Variants in PCCA observed in about 807,000 individuals in gnomAD.
PCCA encodes propionyl-CoA carboxylase alpha chain, mitochondrial.
In PCCA, 74 loss-of-function variants were observed where a neutral mutation model predicts 101.3. That is an observed-to-expected ratio of 0.73 (90% confidence interval 0.61 to 0.89). The LOEUF is 0.89. Among genes scored for constraint, PCCA ranks in the 40% least tolerant of loss-of-function variants. PCCA has a pLI of 0.00. For missense variants in PCCA, 891 were observed against 907.0 expected (o/e 0.98, Z 0.23); for synonymous variants, 294 against 313.6 (o/e 0.94, Z 0.66).
intron 4 of PCCA, among the ~76,000 whole-genome samples, chr13:100,112,265 A>C (rs2048386140): frequency 1.3e-5 from 2 of 152,216 alleles, no homozygotes; most frequent in Admixed American, 1.3e-4. Flanking sequence ...CATAGCTTTA[A>C]AAACTTAGAC....
intron 6 of PCCA, among the ~76,000 whole-genome samples, chr13:100,195,992 A>G (rs1387002298): frequency 6.6e-6 from 1 of 152,202 alleles, no homozygotes; most frequent in Non-Finnish European, 1.5e-5. Flanking sequence ...TCAAATATGC[A>G]CAAAAGAAAT....
intron 22 of PCCA, among the ~76,000 whole-genome samples, chr13:100,526,605 G>C (rs928310488): frequency 6.6e-6 from 1 of 152,250 alleles, no homozygotes; most frequent in African/African-American, 2.4e-5. Flanking sequence ...GGCCACAGTG[G>C]TGTGAGGGGC....
intron 19 of PCCA, among the ~76,000 whole-genome samples, chr13:100,405,739 G>T (rs1445051924): frequency 6.6e-6 from 1 of 151,106 alleles, no homozygotes; most frequent in Non-Finnish European, 1.5e-5. Context: ...GCTAAACTTG[G>T]AGCTCCTGGA....
chr13:100,110,674 A>G (rs1052835121), intron 2 of PCCA, among the ~76,000 whole-genome samples: 12 of 152,238 alleles, frequency 7.9e-5, no homozygotes, highest in Non-Finnish European at 1.6e-4. Context: ...GCCCTGTCCC[A>G]ACAGAGATAG....
chr13:100,522,092 T>C (rs1192998206), intron 22 of PCCA, among the ~76,000 whole-genome samples: 13 of 152,256 alleles, frequency 8.5e-5, no homozygotes, highest in Admixed American at 8.5e-4. Flanking sequence ...CAGTTTTCTT[T>C]TAATTGCCGA....
At chr13:100,261,717 AATAT>A in intron 9 of PCCA, among the ~76,000 whole-genome samples, 1 of 152,320 alleles carries the variant, frequency 6.6e-6, no homozygotes, top group Non-Finnish European at 1.5e-5. Context: ...TTGTAAACAA[AATAT>A]ATAAAGCAAT....
intron 18 of PCCA, among the ~76,000 whole-genome samples, chr13:100,348,528 T>A (rs540337442): frequency 1.3e-5 from 2 of 152,292 alleles, no homozygotes; most frequent in East Asian, 1.9e-4. Context: ...CCACTTTTTT[T>A]AAAAGCTAAA....
In PCCA at chr13:100,419,820, T is replaced by A. The variant is rs142708273; in HGVS notation, c.1747-5813T>A. The stretch of plus-strand genomic sequence containing the variant: ...AGGACTTGGGCCTATGGCTTCGATT[T>A]TGGTAAAGAGAAGAAGTCATCTGCT... On this transcript the variant is annotated intron_variant, in intron 19 of 23. Transcript: ENST00000376285. Among the ~76,000 whole-genome samples the A allele has an allele frequency of 2.8e-3, 433 of 152,328 alleles. 5 individuals are homozygous for A. Among genetic ancestry groups the A allele is most frequent in the African/African-American group, 0.01 (419 of 41,574 alleles).
chr13:100,180,616 A>G (rs756701733), intron 6 of PCCA, among the ~76,000 whole-genome samples: 3 of 152,174 alleles, frequency 2.0e-5, no homozygotes, highest in Admixed American at 6.5e-5. Flanking sequence ...TTCCAGTTTA[A>G]GGTGGCCACT....
intron 6 of PCCA, among the ~76,000 whole-genome samples, chr13:100,172,658 A>G (rs2055812651): frequency 6.6e-6 from 1 of 152,254 alleles, no homozygotes; most frequent in Admixed American, 6.5e-5. Flanking sequence ...TAAGAGTACA[A>G]GCAAACAAAG....
At chr13:100,093,265 T>TA (rs1241859500) in intron 1 of PCCA, among the ~76,000 whole-genome samples, 4 of 152,266 alleles carry the variant, frequency 2.6e-5, no homozygotes, top group Middle Eastern at 3.4e-3. Flanking sequence ...AGGCTAGAGT[T>TA]AGAGTTAGAA....
rs1353079069 is a variant in PCCA at position 100,206,109 on chromosome 13, G to C, written c.469-3223G>C. ...TAAGGTTCTACTAAAACCAAATACAGAAACATTTGATAGAGAGATACTTTA... is the reference window on the plus strand; with the variant it reads ...TAAGGTTCTACTAAAACCAAATACACAAACATTTGATAGAGAGATACTTTA... On this transcript the variant is annotated intron_variant, in intron 6 of 23. Transcript: ENST00000376285. Among the ~76,000 whole-genome samples, 3 of 151,932 alleles carry C rather than the reference G, an allele frequency of 2.0e-5. No homozygotes were observed. The East Asian group carries it at 5.8e-4, about 29-fold the overall frequency.
chr13:100,417,682 T>C (rs1232363709), intron 19 of PCCA, among the ~76,000 whole-genome samples: 2 of 152,060 alleles, frequency 1.3e-5, no homozygotes, highest in African/African-American at 4.8e-5. Context: ...TCCTCTACCC[T>C]TCTCTGTCAT....
chr13:100,405,939 G>A (rs1246051776), intron 19 of PCCA, among the ~76,000 whole-genome samples: 3 of 151,854 alleles, frequency 2.0e-5, no homozygotes, highest in African/African-American at 7.3e-5. Context: ...GCTAATTTTT[G>A]TACTTTTAGT....
chr13:100,146,596 A>G (rs1487287005), intron 4 of PCCA, among the ~76,000 whole-genome samples: 1 of 152,000 alleles, frequency 6.6e-6, no homozygotes, highest in Non-Finnish European at 1.5e-5. Context: ...AAAATGGTTA[A>G]TAGTTAGAAG....
At chr13:100,127,618 C>CA (rs2050083426) in intron 4 of PCCA, among the ~76,000 whole-genome samples, 1 of 152,098 alleles carries the variant, frequency 6.6e-6, no homozygotes, top group Non-Finnish European at 1.5e-5. Flanking sequence ...GAGGGCCGGG[C>CA]GTGGTGGCTC....
intron 19 of PCCA, among the ~76,000 whole-genome samples, chr13:100,405,074 C>A (rs1030272931): frequency 6.6e-6 from 1 of 152,176 alleles, no homozygotes; most frequent in African/African-American, 2.4e-5. Flanking sequence ...GGAACTGAGT[C>A]CTCCTCCAAC....
intron 19 of PCCA, among the ~76,000 whole-genome samples, chr13:100,424,901 G>A (rs911346180): frequency 6.6e-6 from 1 of 152,168 alleles, no homozygotes; most frequent in Non-Finnish European, 1.5e-5. Context: ...ATATTAAAGA[G>A]TTAGGGAATA....
chr13:100,114,796 A>G (rs1430865627), intron 4 of PCCA, among the ~76,000 whole-genome samples: 2 of 152,244 alleles, frequency 1.3e-5, no homozygotes, highest in African/African-American at 4.8e-5. Context: ...GCGAGGATGT[A>G]GAGAAAGAAC....
Sources: allele counts gnomAD v4.1 joint callset (sites outside exome capture counted in the v4.1 genomes callset), GRCh38; gene constraint gnomAD v4.1.1; transcripts MANE v1.5; gene names NCBI Gene and HGNC (gene_info 2026-07-23, HGNC 2026-07-21).